FTO: variants seen among roughly 807,000 people sequenced by gnomAD.
The protein encoded by FTO is FTO alpha-ketoglutarate dependent dioxygenase, also known as alpha-ketoglutarate-dependent dioxygenase FTO.
In FTO, 47 loss-of-function variants were observed where a neutral mutation model predicts 63.9. The observed-to-expected ratio is 0.74, with a 90% CI of 0.58 to 0.94. The LOEUF (loss-of-function observed/expected upper bound fraction) is 0.94, where lower values mean the gene tolerates loss of function less well. Among genes scored for constraint, FTO ranks in the 40% least tolerant of loss-of-function variants. FTO has a pLI of 0.00. For missense variants in FTO, 562 were observed against 618.1 expected (o/e 0.91, Z 0.96); for synonymous variants, 207 against 224.4 (o/e 0.92, Z 0.69).
chr16:54,061,766 T>A (rs1276887419), intron 8 of FTO: 1 of 152,204 alleles, frequency 6.6e-6, no homozygotes, highest in Non-Finnish European at 1.5e-5. Flanking sequence ...AATACTTAAC[T>A]GAAGCCCCAA....
intron 8 of FTO, among the ~76,000 whole-genome samples, chr16:54,059,714 T>C (rs2085524431): frequency 6.6e-6 from 1 of 152,174 alleles, no homozygotes; most frequent in African/African-American, 2.4e-5. Flanking sequence ...ATCACCTGCA[T>C]CCTTTTGTGC....
intron 6 of FTO, among the ~76,000 whole-genome samples, chr16:53,880,937 TAAAAAA>T (rs34062544): frequency 0.021 from 1,428 of 67,642 alleles, 37 homozygotes; most frequent in African/African-American, 0.076. Context: ...CCGTCTCTAC[TAAAAAA>T]AAAAAAAAAA....
chr16:54,110,416 C>T (rs550135601), intron 8 of FTO, among the ~76,000 whole-genome samples: 15 of 152,216 alleles, frequency 9.9e-5, no homozygotes, highest in Admixed American at 5.2e-4. Flanking sequence ...TGTTAACAGA[C>T]GCTATTATCA....
Position 53,825,762 on chromosome 16 carries a change from T to TC in FTO, c.124-96dup, listed in dbSNP as rs1190596945. The TC allele has an allele frequency of 5.3e-6, 7 of 1,323,640 alleles. No individual in the cohort carries two copies. In the East Asian group the frequency reaches 6.9e-5, roughly 13 times the overall value. 82.0% of individuals were successfully genotyped at this position (1,323,640 alleles called of 1,614,324 possible). Reference sequence around the variant, plus strand: ...CTATTTAGAAATAGCCACCAGGTAGTCCCCCCACAACTCCCCAAATGCTTA... The same window carrying TC: ...CTATTTAGAAATAGCCACCAGGTAGTCCCCCCCACAACTCCCCAAATGCTTA... On this transcript the variant is annotated intron_variant, in intron 2 of 8. Transcript: ENST00000471389.
At chr16:53,813,793 A>G (rs1034569361) in intron 2 of FTO, among the ~76,000 whole-genome samples, 5 of 152,136 alleles carry the variant, frequency 3.3e-5, no homozygotes, top group Admixed American at 6.5e-5. Context: ...CTCACATGCA[A>G]TCCCCACAAC....
intron 1 of FTO, among the ~76,000 whole-genome samples, chr16:53,705,687 A>G (rs2075594786): frequency 6.6e-6 from 1 of 152,222 alleles, no homozygotes; most frequent in Admixed American, 6.5e-5. Context: ...GATGTGGATA[A>G]TATATTAAAG....
chr16:53,882,669 G>T (rs190731991), intron 6 of FTO, among the ~76,000 whole-genome samples: 11 of 152,296 alleles, frequency 7.2e-5, no homozygotes, highest in Middle Eastern at 3.4e-3. Flanking sequence ...GCAGCAGATT[G>T]TATAGGTCCT....
At chr16:54,101,967 G>T (rs181918280) in intron 8 of FTO, among the ~76,000 whole-genome samples, 69 of 151,790 alleles carry the variant, frequency 4.5e-4, no homozygotes, top group African/African-American at 1.6e-3. Context: ...GCTTTTTTTT[G>T]AAAAGTGCCT....
chr16:54,014,502 G>A (rs1211503693), intron 8 of FTO, among the ~76,000 whole-genome samples: 3 of 151,918 alleles, frequency 2.0e-5, no homozygotes, highest in Non-Finnish European at 2.9e-5. Context: ...AGCTGATGCT[G>A]GTGTCCTGTT....
chr16:53,871,137 G>C (rs1274023852), intron 4 of FTO, among the ~76,000 whole-genome samples: 1 of 151,946 alleles, frequency 6.6e-6, no homozygotes, highest in Non-Finnish European at 1.5e-5. Flanking sequence ...CTTTAGTTTA[G>C]TCTTATATCT....
chr16:53,964,250 T>C (rs1167163033), intron 8 of FTO, among the ~76,000 whole-genome samples: 1 of 152,222 alleles, frequency 6.6e-6, no homozygotes, highest in Non-Finnish European at 1.5e-5. Flanking sequence ...CTGTGACAAC[T>C]GTTCTCCTCT....
chr16:53,950,155 T>TAAAAAAAAAAA lies in FTO; in HGVS notation c.1364+16060_1364+16070dup, dbSNP rs57925273. Among the ~76,000 whole-genome samples the TAAAAAAAAAAA allele has an allele frequency of 2.8e-3, 142 of 50,598 alleles. 6 individuals are homozygous for TAAAAAAAAAAA. Among genetic ancestry groups the TAAAAAAAAAAA allele is most frequent in the South Asian group, 5.4e-3 (5 of 928 alleles). 33.2% of individuals were successfully genotyped at this position (50,598 alleles called of 152,430 possible). ...GGAAAAAAAAAGATATTCACATTTG[T>TAAAAAAAAAAA]AAAAAAAAAAAAAAAAAAAAAAAAC... On this transcript the variant is annotated intron_variant, in intron 8 of 8. Transcript: ENST00000471389.
At chr16:53,722,363 A>G (rs2076060717) in intron 1 of FTO, among the ~76,000 whole-genome samples, 1 of 152,158 alleles carries the variant, frequency 6.6e-6, no homozygotes, top group African/African-American at 2.4e-5. Flanking sequence ...TTTTGTGTCT[A>G]GTAAGATGCT....
At chr16:53,937,099 CTT>C (rs1464022490) in intron 8 of FTO, 1 of 395,930 alleles carries the variant, frequency 2.5e-6, no homozygotes, top group Non-Finnish European at 4.4e-6. Flanking sequence ...TTTTGCATGA[CTT>C]GGGGTAACCG....
intron 2 of FTO, among the ~76,000 whole-genome samples, chr16:53,820,200 G>A (rs567058864): frequency 1.3e-5 from 2 of 151,770 alleles, no homozygotes; most frequent in Non-Finnish European, 2.9e-5. Flanking sequence ...GTAGAAACAG[G>A]GTTTTACCTT....
At chr16:53,798,196 T>G (rs1316088788) in intron 1 of FTO, among the ~76,000 whole-genome samples, 1 of 152,212 alleles carries the variant, frequency 6.6e-6, no homozygotes, top group Admixed American at 6.5e-5. Context: ...AGCACTGTCT[T>G]GATTTCTGTA....
At chr16:53,930,444 C>T (rs976544771) in intron 7 of FTO, among the ~76,000 whole-genome samples, 1 of 151,654 alleles carries the variant, frequency 6.6e-6, no homozygotes, top group Non-Finnish European at 1.5e-5. Context: ...AGGATGGTCT[C>T]GATCTCCTGA....
At chr16:54,054,751 T>G (rs1232503782) in intron 8 of FTO, among the ~76,000 whole-genome samples, 3 of 152,212 alleles carry the variant, frequency 2.0e-5, no homozygotes, top group African/African-American at 7.2e-5. Flanking sequence ...GACAGGAAGA[T>G]GAAATAGGTA....
intron 1 of FTO, among the ~76,000 whole-genome samples, chr16:53,776,194 C>T (rs764372814): frequency 2.0e-5 from 3 of 152,156 alleles, no homozygotes; most frequent in Non-Finnish European, 2.9e-5. Flanking sequence ...CTCCTTATCC[C>T]CGTTTGCCAG....
Sources: gnomAD v4.1 joint callset for allele counts (sites outside exome capture counted in the v4.1 genomes callset) on GRCh38, gnomAD v4.1.1 for gene constraint, MANE v1.5 for transcripts, NCBI Gene and HGNC (gene_info 2026-07-23, HGNC 2026-07-21) for gene names.